The following PTPRZ1 variants were observed in gnomAD, a reference collection of about 807,000 sequenced individuals.
The protein encoded by PTPRZ1 is protein tyrosine phosphatase receptor type Z1.
PTPRZ1 carries 82 observed loss-of-function variants against 214.1 expected under a neutral mutation model. The observed-to-expected ratio is 0.38, with a 90% CI of 0.32 to 0.46. The LOEUF (loss-of-function observed/expected upper bound fraction) is 0.46, where lower values mean the gene tolerates loss of function less well. PTPRZ1 is among the 20% of genes least tolerant of loss of function. The pLI is 1.00. For missense variants in PTPRZ1, 2,603 were observed against 2,748.7 expected (o/e 0.95, Z 1.19); for synonymous variants, 945 against 987.9 (o/e 0.96, Z 0.81).
intron 1 of PTPRZ1, among the ~76,000 whole-genome samples, chr7:121,906,586 T>C (rs1396708946): frequency 6.6e-6 from 1 of 152,158 alleles, no homozygotes; most frequent in African/African-American, 2.4e-5. Flanking sequence ...CTTGGCATTG[T>C]TTGGTAGGTG....
Position 122,055,027 on chromosome 7 carries a change from C to T in PTPRZ1, c.6468C>T (p.His2156=). 1 of 1,603,554 alleles carries T rather than the reference C, an allele frequency of 6.2e-7. No homozygotes were observed. The highest frequency in any genetic ancestry group is 8.5e-7 in the Non-Finnish European group (1 of 1,171,568). Residue 2156 remains histidine, a synonymous_variant, in exon 27 of 30, where the codon CAC becomes CAT. Transcript: ENST00000393386. ...SFKVTLMAEE[H]KCLSNEEKLI... ...AGGTCACTCTTATGGCTGAAGAACA[C>T]AAATGTCTATCTAATGAGGAAAAAC...
At chr7:121,979,979 C>G (rs1797555632) in intron 6 of PTPRZ1, among the ~76,000 whole-genome samples, 1 of 151,208 alleles carries the variant, frequency 6.6e-6, no homozygotes, top group East Asian at 1.9e-4. Flanking sequence ...TATTGAGGTC[C>G]AGAGGCAGAA....
At chr7:121,929,503 GAAA>G (rs10717646) in intron 2 of PTPRZ1, among the ~76,000 whole-genome samples, 8 of 141,964 alleles carry the variant, frequency 5.6e-5, no homozygotes, top group South Asian at 4.4e-4. Flanking sequence ...TACCGAGTAG[GAAA>G]AAAAAAAAAA....
chr7:122,051,379 G>A, intron 23 of PTPRZ1, 49 bp from the exon 24 acceptor site: 2 of 1,326,646 alleles, frequency 1.5e-6, no homozygotes, highest in Non-Finnish European at 2.2e-6. Flanking sequence ...GTGTGTATTT[G>A]GGGGACTTAA....
chr7:122,059,635 A>G (rs1362575760), intron 28 of PTPRZ1, 118 bp from the exon 29 acceptor site: 1 of 1,149,440 alleles, frequency 8.7e-7, no homozygotes, highest in Non-Finnish European at 1.2e-6. Flanking sequence ...GAGACAATTC[A>G]TTAAAAGTTT....
chr7:122,021,352 A>G (rs929029904), intron 13 of PTPRZ1, among the ~76,000 whole-genome samples: 2 of 152,178 alleles, frequency 1.3e-5, no homozygotes, highest in Admixed American at 6.5e-5. Flanking sequence ...AAAATATATT[A>G]ATTTGACCTT....
At chr7:121,879,311 C>T (rs992087601) in intron 1 of PTPRZ1, among the ~76,000 whole-genome samples, 6 of 152,118 alleles carry the variant, frequency 3.9e-5, no homozygotes, top group African/African-American at 1.4e-4. Context: ...TGTATGTGTA[C>T]AAGTGCATGC....
intron 2 of PTPRZ1, among the ~76,000 whole-genome samples, chr7:121,961,597 T>C (rs1796879147): frequency 6.6e-6 from 1 of 152,222 alleles, no homozygotes; most frequent in South Asian, 2.1e-4. Context: ...CTTGAACTCA[T>C]GCGTATCCCC....
At chr7:121,874,504 A>G (rs985324584) in intron 1 of PTPRZ1, among the ~76,000 whole-genome samples, 1 of 152,214 alleles carries the variant, frequency 6.6e-6, no homozygotes, top group Non-Finnish European at 1.5e-5. Flanking sequence ...CTTTGTGAGT[A>G]CACATATTTA....
At chr7:121,908,276 T>G (rs536272653) in intron 1 of PTPRZ1, among the ~76,000 whole-genome samples, 46 of 152,180 alleles carry the variant, frequency 3.0e-4, no homozygotes, top group Admixed American at 1.1e-3. Context: ...TGTTGTCAAC[T>G]CCATATCTTT....
chr7:121,880,526 G>A (rs1273587814), intron 1 of PTPRZ1, among the ~76,000 whole-genome samples: 2 of 152,056 alleles, frequency 1.3e-5, no homozygotes, highest in Non-Finnish European at 2.9e-5. Flanking sequence ...AAGCTCTAAT[G>A]TATTTACCTA....
chr7:121,892,361 G>A (rs561366199), intron 1 of PTPRZ1, among the ~76,000 whole-genome samples: 52 of 151,970 alleles, frequency 3.4e-4, no homozygotes, highest in African/African-American at 1.3e-3. Flanking sequence ...CCACCTCAAG[G>A]TCACTTCTTT....
At chr7:122,041,859 A>C (rs918128751) in intron 21 of PTPRZ1, among the ~76,000 whole-genome samples, 1 of 152,204 alleles carries the variant, frequency 6.6e-6, no homozygotes, top group African/African-American at 2.4e-5. Flanking sequence ...GCCTGATTAT[A>C]AACTGAGGAA....
chr7:122,036,676 T>C lies in PTPRZ1; in HGVS notation c.5361T>C (p.Tyr1787=). ...TGACTGATTATATCAATGCCAATTA[T>C]GTTGATGTAAGCATGTTTTAATTGA... ...GKLTDYINAN[Y]VDGYNRPKAY... The change falls in exon 18 of 30, where the codon TAT becomes TAC. Residue 1787 remains tyrosine, a synonymous_variant. Transcript: ENST00000393386. 3.8e-6 allele frequency: 6 copies of C among 1,596,566 alleles called. No homozygotes were observed. The highest frequency in any genetic ancestry group is 4.3e-6 in the Non-Finnish European group (5 of 1,164,312).
intron 1 of PTPRZ1, among the ~76,000 whole-genome samples, chr7:121,882,008 G>T (rs959634494): frequency 2.6e-5 from 4 of 152,126 alleles, no homozygotes; most frequent in African/African-American, 9.7e-5. Flanking sequence ...TTAGCAATTT[G>T]TGTGTTTTAT....
intron 13 of PTPRZ1, among the ~76,000 whole-genome samples, chr7:122,022,804 G>C (rs887369116): frequency 3.3e-5 from 5 of 152,088 alleles, no homozygotes; most frequent in Admixed American, 3.3e-4. Context: ...AAGGACTCAT[G>C]CTTCCCAGTT....
chr7:122,008,076 TAAG>T (rs888734910), intron 11 of PTPRZ1, among the ~76,000 whole-genome samples: 39 of 152,232 alleles, frequency 2.6e-4, no homozygotes, highest in African/African-American at 9.1e-4. Flanking sequence ...AACTATGTAA[TAAG>T]AAGAGGTGTG....
At chr7:121,916,949 A>G (rs1021913666) in intron 1 of PTPRZ1, among the ~76,000 whole-genome samples, 4 of 152,310 alleles carry the variant, frequency 2.6e-5, no homozygotes, top group African/African-American at 9.6e-5. Flanking sequence ...AAGAAAGTAC[A>G]AGTGAGATGT....
intron 11 of PTPRZ1, among the ~76,000 whole-genome samples, chr7:122,007,562 C>T (rs1269984563): frequency 6.6e-6 from 1 of 152,040 alleles, no homozygotes; most frequent in East Asian, 1.9e-4. Flanking sequence ...TATTCACTTC[C>T]TTTGCTTCAT....
Sources: gnomAD v4.1 joint callset for allele counts (sites outside exome capture counted in the v4.1 genomes callset) on GRCh38, gnomAD v4.1.1 for gene constraint, MANE v1.5 for transcripts, NCBI Gene and HGNC (gene_info 2026-07-23, HGNC 2026-07-21) for gene names.